MPPED1: variants seen among roughly 807,000 people sequenced by gnomAD.
The protein encoded by MPPED1 is metallophosphoesterase domain containing 1.
A neutral mutation model predicts 36.2 loss-of-function variants in MPPED1; 16 were observed. The observed-to-expected ratio is 0.44, with a 90% CI of 0.30 to 0.67. The LOEUF (loss-of-function observed/expected upper bound fraction) is 0.67. MPPED1 is among the 30% of genes least tolerant of loss of function. The probability of loss-of-function intolerance (pLI) is 0.10; values close to 1 mark genes in which losing one functional copy is unlikely to be tolerated. For synonymous variants in MPPED1, 199 were observed against 191.3 expected, an observed-to-expected ratio of 1.04 and a Z score of -0.33; for missense variants, 307 against 453.4, an observed-to-expected ratio of 0.68 and a Z score of 2.93.
At position 43,507,373 on chromosome 22, in the gene MPPED1, G is replaced by A. The variant is rs1269209263; in HGVS notation, c.*1757G>A. The A allele has an allele frequency of 6.6e-6, 1 of 152,298 alleles. No individual in the cohort carries two copies. The highest frequency in any genetic ancestry group is 1.5e-5 in the Non-Finnish European group (1 of 68,098). 9.4% of individuals were successfully genotyped at this position (152,298 alleles called of 1,614,324 possible). ...TCCTTTTCTGCCCACACTGAGCTGGGCTCCTCGAGGGGTGGGGCTGCTGTC... is the reference window on the plus strand; with the variant it reads ...TCCTTTTCTGCCCACACTGAGCTGGACTCCTCGAGGGGTGGGGCTGCTGTC... On this transcript the variant is annotated 3_prime_UTR_variant, in exon 7 of 7. Coordinates refer to ENST00000443721, the MANE Select transcript of MPPED1 (RefSeq NM_001044370.2).
intron 3 of MPPED1, among the ~76,000 whole-genome samples, chr22:43,465,502 G>A (rs1313406286): frequency 2.0e-5 from 3 of 152,242 alleles, no homozygotes; most frequent in African/African-American, 7.2e-5. Context: ...ACCGAGCCCC[G>A]TGCTGGCGGT....
At chr22:43,458,152 T>C (rs1930820397) in intron 3 of MPPED1, among the ~76,000 whole-genome samples, 1 of 152,200 alleles carries the variant, frequency 6.6e-6, no homozygotes, top group South Asian at 2.1e-4. Context: ...GTTTGTACAA[T>C]ATCAAAATCA....
chr22:43,496,573 G>A (rs1419904509), intron 4 of MPPED1, among the ~76,000 whole-genome samples: 1 of 18,416 alleles, frequency 5.4e-5, no homozygotes, highest in East Asian at 2.5e-3. Flanking sequence ...TGGTGGAGAT[G>A]GTGGTGGTGG....
intron 4 of MPPED1, 35 bp from the exon 5 acceptor site, chr22:43,498,200 C>T (rs182486980): frequency 1.3e-6 from 2 of 1,503,642 alleles, no homozygotes; most frequent in South Asian, 1.2e-5. Flanking sequence ...GTACTTTCAC[C>T]CGCCCTCCCT....
At chr22:43,447,883 A>ATATATATATATATATATATATATATATAT (rs1321289636) in intron 3 of MPPED1, among the ~76,000 whole-genome samples, 1 of 67,736 alleles carries the variant, frequency 1.5e-5, no homozygotes, top group Non-Finnish European at 2.6e-5. Context: ...ATATATATAT[A>ATATATATATATATATATATATATATATAT]TTTTTTTTTT....
Position 43,437,606 on chromosome 22 carries a change from T to C in MPPED1, c.406+2391T>C, listed in dbSNP as rs1930006667. 1.3e-5 allele frequency among the ~76,000 whole-genome samples: 2 copies of C among 152,080 alleles called. 1 individual carries two copies. The highest frequency in any genetic ancestry group is 2.9e-5 in the Non-Finnish European group (2 of 68,020). Reference sequence around the variant, plus strand: ...TGGAAGTAAGGGTGTAGGCGATGCATTTGGAGTCTGGATCTGCTTCCTGCC... The same window carrying C: ...TGGAAGTAAGGGTGTAGGCGATGCACTTGGAGTCTGGATCTGCTTCCTGCC... On this transcript the variant is annotated intron_variant, in intron 3 of 6. Coordinates refer to ENST00000443721, the MANE Select transcript of MPPED1 (RefSeq NM_001044370.2).
At chr22:43,449,422 A>ACCCCCCCCCCCCCCCCCCCCCCACC (rs135045) in intron 3 of MPPED1, among the ~76,000 whole-genome samples, 1 of 127,332 alleles carries the variant, frequency 7.9e-6, no homozygotes, top group Non-Finnish European at 1.6e-5. Context: ...GACAGTGCCA[A>ACCCCCCCCCCCCCCCCCCCCCCACC]CCCCCCCCGC....
At chr22:43,493,424 CA>C (rs1209032045) in intron 4 of MPPED1, among the ~76,000 whole-genome samples, 2 of 152,196 alleles carry the variant, frequency 1.3e-5, no homozygotes, top group African/African-American at 4.8e-5. Flanking sequence ...CAGCCTTGAG[CA>C]CTGGTGCTGG....
At chr22:43,497,203 G>A (rs1932445958) in intron 4 of MPPED1, among the ~76,000 whole-genome samples, 1 of 151,940 alleles carries the variant, frequency 6.6e-6, no homozygotes, top group African/African-American at 2.4e-5. Context: ...TAGTGATGGT[G>A]GAGGTGGCGG....
chr22:43,490,801 C>T (rs1223251059), intron 4 of MPPED1, among the ~76,000 whole-genome samples: 2 of 152,214 alleles, frequency 1.3e-5, no homozygotes, highest in African/African-American at 4.8e-5. Context: ...CCACTGAGTC[C>T]TTCCCAGAAG....
intron 2 of MPPED1, among the ~76,000 whole-genome samples, chr22:43,433,150 G>A (rs1264076511): frequency 6.6e-6 from 1 of 152,012 alleles, no homozygotes; most frequent in African/African-American, 2.4e-5. Flanking sequence ...ACAGAAGAGT[G>A]GTGGGAATTT....
chr22:43,446,203 C>T (rs533507246), intron 3 of MPPED1, among the ~76,000 whole-genome samples: 14 of 152,292 alleles, frequency 9.2e-5, no homozygotes, highest in Middle Eastern at 6.8e-3. Context: ...TTTAACTCTG[C>T]CTCAAACTAG....
At chr22:43,462,307 C>T (rs1930982189) in intron 3 of MPPED1, among the ~76,000 whole-genome samples, 1 of 152,228 alleles carries the variant, frequency 6.6e-6, no homozygotes, top group African/African-American at 2.4e-5. Context: ...CACTGTAAGT[C>T]ACAGAGTGCT....
intron 3 of MPPED1, among the ~76,000 whole-genome samples, chr22:43,465,490 T>C (rs1931134114): frequency 6.6e-6 from 1 of 152,188 alleles, no homozygotes; most frequent in South Asian, 2.1e-4. Context: ...TGTGTACTTA[T>C]CACCGAGCCC....
intron 5 of MPPED1, among the ~76,000 whole-genome samples, chr22:43,500,188 TG>T (rs1932640334): frequency 1.3e-4 from 8 of 61,784 alleles, no homozygotes; most frequent in African/African-American, 6.5e-4. Context: ...GTGGTGATGG[TG>T]ATGGAGGTGG....
At chr22:43,432,623 G>A (rs1424794485) in intron 2 of MPPED1, among the ~76,000 whole-genome samples, 1 of 26,822 alleles carries the variant, frequency 3.7e-5, no homozygotes, top group African/African-American at 2.0e-4. Flanking sequence ...AGAGAGAGAA[G>A]GGGAGGAGAG....
chr22:43,430,261 G>A (rs739018), intron 2 of MPPED1, among the ~76,000 whole-genome samples: 78,167 of 152,024 alleles, frequency 0.51, 20,668 homozygotes, highest in Non-Finnish European at 0.57. Flanking sequence ...GGCTTTTGGC[G>A]CCAGGAACTG....
chr22:43,491,453 G>A (rs987921749), intron 4 of MPPED1, among the ~76,000 whole-genome samples: 10 of 151,896 alleles, frequency 6.6e-5, no homozygotes, highest in Non-Finnish European at 1.2e-4. Context: ...TAGAGGAGGC[G>A]GTGGTGGTGA....
At chr22:43,478,772 G>A (rs1008185478) in intron 4 of MPPED1, among the ~76,000 whole-genome samples, 7 of 152,286 alleles carry the variant, frequency 4.6e-5, no homozygotes, top group East Asian at 1.9e-4. Context: ...TCCACCCACC[G>A]TGCTGCTGGT....
Sources: gnomAD v4.1 joint callset for allele counts (sites outside exome capture counted in the v4.1 genomes callset) on GRCh38, gnomAD v4.1.1 for gene constraint, MANE v1.5 for transcripts, NCBI Gene and HGNC (gene_info 2026-07-23, HGNC 2026-07-21) for gene names.